Variants in SKIC3 observed in about 807,000 individuals in gnomAD.
SKIC3 encodes the protein superkiller complex protein 3.
At chr5:95,523,632 G>A in the SKIC3 span, 1 of 1,610,214 alleles carries the variant, frequency 6.2e-7, no homozygotes, top group East Asian at 2.2e-5. Context: ...AAAACAAAAA[G>A]CAAAAGTGAT....
At chr5:95,467,947 C>G in the SKIC3 span, 4 of 1,613,564 alleles carry the variant, frequency 2.5e-6, no homozygotes, top group East Asian at 2.2e-5. Context: ...ATTTGGGATA[C>G]CCAGGCTGAT....
At chr5:95,495,039 A>G in the SKIC3 span, 1 of 1,611,438 alleles carries the variant, frequency 6.2e-7, no homozygotes, top group Admixed American at 1.7e-5. Flanking sequence ...AATATTGATG[A>G]TTTATACAAA....
the SKIC3 span, among the ~76,000 whole-genome samples, chr5:95,499,290 G>A: frequency 6.6e-6 from 1 of 152,142 alleles, no homozygotes; most frequent in Non-Finnish European, 1.5e-5. Context: ...ATTTGGTACT[G>A]TATAGTGAAT....
the SKIC3 span, among the ~76,000 whole-genome samples, chr5:95,479,314 A>G: frequency 6.6e-6 from 1 of 152,226 alleles, no homozygotes; most frequent in Non-Finnish European, 1.5e-5. Context: ...GAGAAATTTC[A>G]AACTAAATTA....
the SKIC3 span, among the ~76,000 whole-genome samples, chr5:95,480,566 C>T: frequency 6.6e-6 from 1 of 152,134 alleles, no homozygotes; most frequent in Non-Finnish European, 1.5e-5. Context: ...ATATCAGCAC[C>T]TGGAATGCTC....
chr5:95,520,651 C>A, the SKIC3 span: 1 of 1,282,474 alleles, frequency 7.8e-7, no homozygotes, highest in South Asian at 1.3e-5. Context: ...ATAAAATGAT[C>A]TTCTAAATTT....
the SKIC3 span, among the ~76,000 whole-genome samples, chr5:95,524,895 A>G: frequency 1.3e-5 from 2 of 149,246 alleles, no homozygotes; most frequent in African/African-American, 4.9e-5. Context: ...TTTTTTTTTT[A>G]TTTTTTGAGT....
chr5:95,483,864 A>G, the SKIC3 span, among the ~76,000 whole-genome samples: 2 of 152,214 alleles, frequency 1.3e-5, no homozygotes, highest in African/African-American at 4.8e-5. Context: ...ATGTAAAAAC[A>G]GACTACTGAG....
chr5:95,531,005 G>C, the SKIC3 span, among the ~76,000 whole-genome samples: 1 of 151,002 alleles, frequency 6.6e-6, no homozygotes, highest in Non-Finnish European at 1.5e-5. Flanking sequence ...TCACATAGGA[G>C]AATTCTTAAA....
At chr5:95,513,574 C>T in the SKIC3 span, 2 of 1,613,398 alleles carry the variant, frequency 1.2e-6, no homozygotes, top group Non-Finnish European at 1.7e-6. Flanking sequence ...TTCTTACATG[C>T]ATATTTAGTT....
chr5:95,473,596 A>C, the SKIC3 span, among the ~76,000 whole-genome samples: 4 of 152,278 alleles, frequency 2.6e-5, no homozygotes, highest in East Asian at 7.7e-4. Flanking sequence ...TGACTTTTTA[A>C]TAATAGCCAT....
the SKIC3 span, chr5:95,520,872 A>T: frequency 6.3e-6 from 8 of 1,271,566 alleles, no homozygotes; most frequent in South Asian, 9.8e-5. Flanking sequence ...TAAACACTTA[A>T]AATGAACTTC....
chr5:95,525,726 C>A, the SKIC3 span: 2 of 1,542,256 alleles, frequency 1.3e-6, no homozygotes, highest in Admixed American at 3.4e-5. Context: ...ACAACCACAG[C>A]AATGTTTGCT....
At chr5:95,481,559 A>G in the SKIC3 span, among the ~76,000 whole-genome samples, 1 of 152,134 alleles carries the variant, frequency 6.6e-6, no homozygotes, top group African/African-American at 2.4e-5. Flanking sequence ...TTAGTTTGAC[A>G]ATGTATTTCT....
At chr5:95,469,978 A>G in the SKIC3 span, 2 of 1,476,918 alleles carry the variant, frequency 1.4e-6, no homozygotes, top group Non-Finnish European at 1.8e-6. Flanking sequence ...ATTCAATTCA[A>G]TTCTTTTTTT....
chr5:95,482,030 G>A, the SKIC3 span, among the ~76,000 whole-genome samples: 1 of 152,128 alleles, frequency 6.6e-6, no homozygotes, highest in Non-Finnish European at 1.5e-5. Flanking sequence ...CCACCTGAAA[G>A]AGCAGATGAT....
the SKIC3 span, chr5:95,529,343 C>G: frequency 3.6e-6 from 2 of 554,672 alleles, no homozygotes; most frequent in Non-Finnish European, 6.5e-6. Context: ...GCCATCCACC[C>G]CAATGCATTC....
the SKIC3 span, chr5:95,530,206 G>T: frequency 1.2e-6 from 2 of 1,613,406 alleles, no homozygotes; most frequent in South Asian, 2.2e-5. Flanking sequence ...CAACAATACT[G>T]CTGCCCCTCA....
the SKIC3 span, among the ~76,000 whole-genome samples, chr5:95,481,494 G>A: frequency 7.2e-5 from 11 of 152,102 alleles, no homozygotes; most frequent in African/African-American, 2.4e-4. Flanking sequence ...TTTATCAGCA[G>A]TGTGAAAATA....
Sources: gnomAD v4.1 joint callset for allele counts (sites outside exome capture counted in the v4.1 genomes callset) on GRCh38, gnomAD v4.1.1 for gene constraint, MANE v1.5 for transcripts, NCBI Gene and HGNC (gene_info 2026-07-23, HGNC 2026-07-21) for gene names.